The following VPS35L variants were observed in gnomAD, a reference collection of about 807,000 sequenced individuals.
VPS35L encodes VPS35 endosomal protein sorting factor like.
Under a neutral mutation model 133.0 loss-of-function variants are expected in VPS35L, and 83 were observed. The observed-to-expected ratio is 0.62, with a 90% confidence interval of 0.52 to 0.75. VPS35L has a LOEUF of 0.75. VPS35L is among the 30% of genes least tolerant of loss of function. The probability of loss-of-function intolerance (pLI) is 0.00; values close to 1 mark genes in which losing one functional copy is unlikely to be tolerated. For missense variants in VPS35L, 1,083 were observed against 1,206.8 expected, an observed-to-expected ratio of 0.90 and a Z score of 1.52; for synonymous variants, 423 against 449.9, an observed-to-expected ratio of 0.94 and a Z score of 0.76.
chr16:19,656,552 C>T (rs1267546842), intron 26 of VPS35L, among the ~76,000 whole-genome samples: 1 of 151,594 alleles, frequency 6.6e-6, no homozygotes, highest in Non-Finnish European at 1.5e-5. Flanking sequence ...ACCTACAAGC[C>T]AGGTGCTCTT....
chr16:19,646,544 A>C (rs1218929597), intron 23 of VPS35L, among the ~76,000 whole-genome samples: 1 of 152,114 alleles, frequency 6.6e-6, no homozygotes. Context: ...GCATGCCTGT[A>C]ATCCCAGCTA....
At chr16:19,588,122 T>C (rs1971929261) in intron 7 of VPS35L, among the ~76,000 whole-genome samples, 1 of 151,270 alleles carries the variant, frequency 6.6e-6, no homozygotes, top group Non-Finnish European at 1.5e-5. Context: ...TTTTGATTAC[T>C]ATGGCATTAT....
At chr16:19,579,027 T>A in intron 5 of VPS35L, 25 bp from the exon 6 acceptor site, 1 of 1,611,670 alleles carries the variant, frequency 6.2e-7, no homozygotes. Flanking sequence ...AAGCCACCTG[T>A]GTGACGTAAA....
At position 19,633,059 on chromosome 16, in the gene VPS35L, C is replaced by CT; in HGVS notation, c.1555-32dup. 1 of 1,588,032 alleles carries CT rather than the reference C, an allele frequency of 6.3e-7. No homozygotes were observed. Among genetic ancestry groups the CT allele is most frequent in the Non-Finnish European group, 8.6e-7 (1 of 1,156,354 alleles). ...ATGGTCAGCAGTTGCCATACAGTGT[C>CT]TAATTCAGGTTTGGTTCCTTTTTCC... On this transcript the variant is annotated intron_variant, in intron 18 of 30. Coordinates refer to ENST00000417362, the MANE Select transcript of VPS35L (RefSeq NM_020314.7). The surrounding 1 kb of genome is among the most constrained non-coding windows in gnomAD (Gnocchi z 4.1).
chr16:19,641,967 T>C (rs2151578683), intron 21 of VPS35L, among the ~76,000 whole-genome samples: 1 of 152,326 alleles, frequency 6.6e-6, no homozygotes, highest in South Asian at 2.1e-4. Context: ...CCCAATACTT[T>C]GGGAGGCTGA....
rs771648263 is a variant in VPS35L at position 19,637,590 on chromosome 16, A to G, written c.1636-4A>G. 2.6e-6 allele frequency: 4 copies of G among 1,535,126 alleles called. No individual in the cohort carries two copies. The Middle Eastern group carries it at 5.2e-4, about 198-fold the overall frequency. On this transcript the variant is annotated splice_region_variant and splice_polypyrimidine_tract_variant and intron_variant, in intron 19 of 30. Transcript: ENST00000417362. ...AATAATATTTTTGTTTGTTTGTTTT[A>G]CAGCTTCAGTTAATAATTAAGAAAG...
chr16:19,644,353 A>T (rs1452664891), intron 22 of VPS35L, among the ~76,000 whole-genome samples: 1 of 152,174 alleles, frequency 6.6e-6, no homozygotes, highest in East Asian at 1.9e-4. Flanking sequence ...TCGATGGTGT[A>T]TGGGTGTTTA....
chr16:19,616,260 T>C, intron 13 of VPS35L, 69 bp downstream of exon 13: 4 of 1,421,246 alleles, frequency 2.8e-6, no homozygotes, highest in Non-Finnish European at 4.0e-6. Context: ...CAAAACCCAG[T>C]TGGTTTTCCA....
chr16:19,659,956 T>C (rs974752888), intron 26 of VPS35L, among the ~76,000 whole-genome samples: 3 of 152,182 alleles, frequency 2.0e-5, no homozygotes, highest in African/African-American at 7.2e-5. Flanking sequence ...ATGATTTTTA[T>C]AGCCAGAACC....
chr16:19,639,941 A>C lies in VPS35L; in HGVS notation c.1699-74A>C. The stretch of plus-strand genomic sequence containing the variant: ...TGTTCTGCTTCTTTGAACTCCACAG[A>C]AAAAGAGACCCACAGATTCCTTCCT... On this transcript the variant is annotated intron_variant, in intron 20 of 30. Transcript: ENST00000417362. This position sits in a 1 kb window ranked among gnomAD's most constrained non-coding sequence, Gnocchi z 4.1. 1.5e-6 allele frequency: 2 copies of C among 1,323,536 alleles called. No homozygotes were observed. Among genetic ancestry groups the C allele is most frequent in the Non-Finnish European group, 2.1e-6 (2 of 931,366 alleles). The allele number at this position is 1,323,536 out of a possible 1,614,324, so 82.0% of individuals were successfully genotyped here. A position where few individuals can be genotyped will look rare whatever the true frequency, so the allele number is the denominator to read the frequency against.
intron 28 of VPS35L, among the ~76,000 whole-genome samples, chr16:19,685,137 A>G (rs1289440172): frequency 6.6e-6 from 1 of 152,204 alleles, no homozygotes; most frequent in Non-Finnish European, 1.5e-5. Flanking sequence ...AATTGTCACA[A>G]AGTGAACACT....
At chr16:19,673,782 T>G (rs542301640) in intron 27 of VPS35L, among the ~76,000 whole-genome samples, 1 of 152,186 alleles carries the variant, frequency 6.6e-6, no homozygotes, top group Non-Finnish European at 1.5e-5. Flanking sequence ...CCCCCCAAGG[T>G]AGGAATCATT....
chr16:19,569,820 T>C (rs1199518062), intron 3 of VPS35L, among the ~76,000 whole-genome samples: 1 of 150,818 alleles, frequency 6.6e-6, no homozygotes, highest in Non-Finnish European at 1.5e-5. Context: ...AGGTACACAC[T>C]ACTGTGCCGG....
intron 26 of VPS35L, among the ~76,000 whole-genome samples, chr16:19,655,497 C>G (rs1244955229): frequency 6.6e-6 from 1 of 152,176 alleles, no homozygotes; most frequent in Non-Finnish European, 1.5e-5. Flanking sequence ...ATTTTGTTGC[C>G]TCCCTTAATC....
At chr16:19,588,537 A>T (rs1971944734) in intron 7 of VPS35L, among the ~76,000 whole-genome samples, 1 of 151,444 alleles carries the variant, frequency 6.6e-6, no homozygotes, top group Non-Finnish European at 1.5e-5. Context: ...TTCTTTTTTT[A>T]AATTATTTTC....
chr16:19,607,787 C>G (rs1567417926), intron 9 of VPS35L: 1 of 172,286 alleles, frequency 5.8e-6, no homozygotes, highest in Non-Finnish European at 1.3e-5. Flanking sequence ...GAGGCAGTGG[C>G]TAAGAATGTC....
intron 26 of VPS35L, among the ~76,000 whole-genome samples, chr16:19,663,915 CAT>C (rs1454688914): frequency 6.6e-6 from 1 of 151,988 alleles, no homozygotes; most frequent in Non-Finnish European, 1.5e-5. Context: ...TTGCTTGTGA[CAT>C]ATATTTTGGA....
intron 28 of VPS35L, among the ~76,000 whole-genome samples, chr16:19,687,451 C>T (rs769956088): frequency 6.6e-6 from 1 of 152,218 alleles, no homozygotes; most frequent in Non-Finnish European, 1.5e-5. Context: ...TGGGGAGGTA[C>T]AAGTCATGAC....
At chr16:19,564,281 G>A (rs1971116529) in intron 1 of VPS35L, among the ~76,000 whole-genome samples, 2 of 152,058 alleles carry the variant, frequency 1.3e-5, no homozygotes, top group Non-Finnish European at 2.9e-5. Context: ...GATTCACCAT[G>A]TTAGCTAGGA....
Sources: gnomAD v4.1 joint callset for allele counts (sites outside exome capture counted in the v4.1 genomes callset) on GRCh38, gnomAD v4.1.1 for gene constraint, Gnocchi (gnomAD v3.1) non-coding constraint, MANE v1.5 for transcripts, NCBI Gene and HGNC (gene_info 2026-07-23, HGNC 2026-07-21) for gene names.